The following MYO18B variants were observed in gnomAD, a reference collection of about 807,000 sequenced individuals.
The protein encoded by MYO18B is unconventional myosin-XVIIIb.
MYO18B carries 204 observed loss-of-function variants against 273.0 expected under a neutral mutation model. The observed-to-expected ratio is 0.75, with a 90% CI of 0.67 to 0.84. The LOEUF (loss-of-function observed/expected upper bound fraction) is 0.84. Among genes scored for constraint, MYO18B ranks in the 40% least tolerant of loss-of-function variants. The pLI is 0.00. For missense variants in MYO18B, 3,212 were observed against 3,287.6 expected (o/e 0.98, Z 0.56); for synonymous variants, 1,330 against 1,305.7 (o/e 1.02, Z -0.40).
chr22:25,839,841 G>T (rs983402517), intron 17 of MYO18B, among the ~76,000 whole-genome samples: 1 of 152,202 alleles, frequency 6.6e-6, no homozygotes, highest in East Asian at 1.9e-4. Flanking sequence ...TCTGCTCACC[G>T]CTCAACTGCA....
chr22:25,997,932 AAC>A lies in MYO18B; in HGVS notation c.6288-5309_6288-5308del, dbSNP rs3070628. On this transcript the variant is annotated intron_variant, in intron 40 of 43. Transcript: ENST00000335473. Reference sequence around the variant, plus strand: ...AAATTCAAAGCCAACCCAGGAGAGAAACACACACACACACACACACACACAAA... The same window carrying A: ...AAATTCAAAGCCAACCCAGGAGAGAAACACACACACACACACACACACAAA... 7.2e-3 allele frequency among the ~76,000 whole-genome samples: 1,034 copies of A among 144,526 alleles called. 8 individuals carry two copies. Among genetic ancestry groups the A allele is most frequent in the African/African-American group, 0.012 (451 of 37,888 alleles). The allele number at this position is 144,526 out of a possible 152,430, so 94.8% of individuals were successfully genotyped here.
intron 40 of MYO18B, 149 bp downstream of exon 40, chr22:25,992,642 G>A: frequency 9.7e-7 from 1 of 1,026,710 alleles, no homozygotes; most frequent in Admixed American, 2.4e-5. Context: ...ACTTGGGTAA[G>A]GAGAGACTGG....
At chr22:25,916,537 T>C (rs915304278) in intron 33 of MYO18B, among the ~76,000 whole-genome samples, 5 of 152,224 alleles carry the variant, frequency 3.3e-5, no homozygotes, top group African/African-American at 1.2e-4. Flanking sequence ...TATCTTTTGT[T>C]CTTTTTTTCT....
At chr22:25,869,015 C>A (rs1446825249) in intron 22 of MYO18B, among the ~76,000 whole-genome samples, 1 of 152,152 alleles carries the variant, frequency 6.6e-6, no homozygotes, top group Non-Finnish European at 1.5e-5. Context: ...GTGGAACCCC[C>A]AGCCTTTTGT....
chr22:25,834,209 C>T (rs964207092), intron 16 of MYO18B, among the ~76,000 whole-genome samples: 2 of 151,380 alleles, frequency 1.3e-5, no homozygotes, highest in East Asian at 3.9e-4. Context: ...TGCAGTGGCA[C>T]GATCTTGGCT....
chr22:25,791,649 A>G (rs1243409282), intron 11 of MYO18B, among the ~76,000 whole-genome samples: 2 of 152,116 alleles, frequency 1.3e-5, no homozygotes, highest in African/African-American at 4.8e-5. Flanking sequence ...TAATAATAAT[A>G]ATAATCCTTG....
At chr22:25,893,526 G>A (rs1435825004) in intron 27 of MYO18B, among the ~76,000 whole-genome samples, 3 of 152,168 alleles carry the variant, frequency 2.0e-5, no homozygotes, top group Non-Finnish European at 4.4e-5. Flanking sequence ...ATGGGAAGCT[G>A]CAGAAATGCT....
intron 7 of MYO18B, 105 bp downstream of exon 7, chr22:25,772,615 C>T (rs2086764195): frequency 2.6e-6 from 3 of 1,175,992 alleles, no homozygotes; most frequent in Non-Finnish European, 3.5e-6. Flanking sequence ...AGCCCCCAGT[C>T]GACCTGTCTG....
At chr22:25,948,466 CTTT>C in intron 36 of MYO18B, among the ~76,000 whole-genome samples, 1 of 126,742 alleles carries the variant, frequency 7.9e-6, no homozygotes, top group Admixed American at 7.9e-5. Context: ...TTCCTTCTTT[CTTT>C]CTTTCTTTCT....
At chr22:25,776,110 T>TA (rs2086905254) in intron 7 of MYO18B, among the ~76,000 whole-genome samples, 1 of 152,200 alleles carries the variant, frequency 6.6e-6, no homozygotes, top group South Asian at 2.1e-4. Flanking sequence ...AGTTTTACCT[T>TA]AAAAAACCCA....
downstream of MYO18B, among the ~76,000 whole-genome samples, chr22:26,032,472 A>G (rs1281481136): frequency 6.7e-6 from 1 of 148,844 alleles, no homozygotes; most frequent in Non-Finnish European, 1.5e-5. Flanking sequence ...AACAGCAGTC[A>G]TATTGAAACA....
downstream of MYO18B, among the ~76,000 whole-genome samples, chr22:26,033,332 C>T (rs921367797): frequency 6.6e-6 from 1 of 152,162 alleles, no homozygotes; most frequent in Non-Finnish European, 1.5e-5. Context: ...AATATCTTAG[C>T]TGGGGAGACA....
chr22:25,812,730 T>C (rs1247083127), intron 12 of MYO18B, among the ~76,000 whole-genome samples: 1 of 152,152 alleles, frequency 6.6e-6, no homozygotes, highest in Non-Finnish European at 1.5e-5. Context: ...ACTTGCCCAC[T>C]TGGCCCTAAG....
intron 40 of MYO18B, among the ~76,000 whole-genome samples, chr22:25,993,970 C>G (rs940291893): frequency 6.6e-6 from 1 of 152,182 alleles, no homozygotes; most frequent in Non-Finnish European, 1.5e-5. Context: ...ACACACATCT[C>G]TAGCTCTACT....
chr22:25,836,510 TG>T (rs1423972782), intron 17 of MYO18B, among the ~76,000 whole-genome samples: 1 of 152,190 alleles, frequency 6.6e-6, no homozygotes, highest in African/African-American at 2.4e-5. Context: ...GGTAGGATTC[TG>T]TCCCACACTT....
chr22:26,012,043 C>A lies in MYO18B; in HGVS notation c.6470+7188C>A, dbSNP rs546364861. Among the ~76,000 whole-genome samples, 3 of 152,256 alleles carry A rather than the reference C, an allele frequency of 2.0e-5. No individual in the cohort carries two copies. The South Asian group carries it at 6.2e-4, about 32-fold the overall frequency. On this transcript the variant is annotated intron_variant, in intron 42 of 43. Coordinates refer to ENST00000335473, the MANE Select transcript of MYO18B (RefSeq NM_032608.7). ...GGAAAGATCCAGACCCTACCACCAG[C>A]CCTGTTTGTTTTTATTTGGGATAAG...
intron 1 of MYO18B, among the ~76,000 whole-genome samples, chr22:25,751,963 G>A (rs1032900534): frequency 3.3e-5 from 5 of 152,156 alleles, no homozygotes; most frequent in Non-Finnish European, 7.4e-5. Flanking sequence ...TCACTGCACG[G>A]CTAGGAAAAC....
chr22:25,855,527 A>T (rs936912586), intron 21 of MYO18B, among the ~76,000 whole-genome samples: 2 of 152,070 alleles, frequency 1.3e-5, no homozygotes, highest in Non-Finnish European at 2.9e-5. Flanking sequence ...TGATCCGCCC[A>T]CCTCGGCCTC....
Position 25,890,850 on chromosome 22 carries a change from C to T in MYO18B, c.4409C>T (p.Ala1470Val). Reference protein sequence around the residue: ...LESERAERLQAFREVQELKSK... With the variant: ...LESERAERLQVFREVQELKSK... ...AGTGAGCGGGCAGAGCGGCTACAGG[C>T]CTTCCGGGAGGTCCAGGAGCTCAAG... is the stretch of plus-strand genomic sequence containing the variant. The change falls in exon 26 of 44, where the codon GCC becomes GTC. Residue 1470 changes from alanine to valine, a missense_variant. Physicochemically the swap from Ala to Val is moderately conservative, Grantham distance 64 (BLOSUM62 0). Coordinates refer to ENST00000335473, the MANE Select transcript of MYO18B (RefSeq NM_032608.7). 6.2e-7 allele frequency: 1 copy of T among 1,613,854 alleles called. No homozygotes were observed. The highest frequency in any genetic ancestry group is 1.1e-5 in the South Asian group (1 of 91,058).
Sources: allele counts gnomAD v4.1 joint callset (sites outside exome capture counted in the v4.1 genomes callset), GRCh38; gene constraint gnomAD v4.1.1; transcripts MANE v1.5; gene names NCBI Gene and HGNC (gene_info 2026-07-23, HGNC 2026-07-21).